The following NOL4 variants were observed in gnomAD, a reference collection of about 807,000 sequenced individuals.
NOL4 encodes the protein nucleolar protein 4, also known as cancer/testis antigen 125.
Under a neutral mutation model 75.9 loss-of-function variants are expected in NOL4, and 17 were observed. The observed-to-expected ratio is 0.22, with a 90% confidence interval of 0.15 to 0.34. The LOEUF (loss-of-function observed/expected upper bound fraction) is 0.34. Among genes scored for constraint, NOL4 ranks in the 10% least tolerant of loss-of-function variants. The pLI, the probability that NOL4 is intolerant of heterozygous loss-of-function variation, is 1.00. For missense variants in NOL4, 614 were observed against 793.5 expected (o/e 0.77, Z 2.72); for synonymous variants, 292 against 289.9 (o/e 1.01, Z -0.07).
intron 9 of NOL4, among the ~76,000 whole-genome samples, chr18:33,909,114 T>A (rs2066238195): frequency 6.6e-6 from 1 of 152,160 alleles, no homozygotes; most frequent in African/African-American, 2.4e-5. Context: ...TTCTCAAAAA[T>A]ATGCACATAT....
intron 5 of NOL4, among the ~76,000 whole-genome samples, chr18:34,024,236 G>A (rs1486988043): frequency 9.2e-6 from 1 of 109,286 alleles, no homozygotes; most frequent in East Asian, 2.1e-4. Context: ...TTTAACATTA[G>A]TACTTGGAAA....
At chr18:34,174,835 T>G (rs1389043067) in intron 1 of NOL4, among the ~76,000 whole-genome samples, 1 of 152,202 alleles carries the variant, frequency 6.6e-6, no homozygotes, top group Non-Finnish European at 1.5e-5. Context: ...GCTTCATCCA[T>G]GTCCATGCAA....
At chr18:34,202,878 A>G (rs1367552283) in intron 1 of NOL4, among the ~76,000 whole-genome samples, 1 of 152,014 alleles carries the variant, frequency 6.6e-6, no homozygotes, top group African/African-American at 2.4e-5. Flanking sequence ...ACTCTGGTAA[A>G]CAATTTAACA....
chr18:34,147,066 T>G (rs2081430888), intron 1 of NOL4, among the ~76,000 whole-genome samples: 1 of 152,160 alleles, frequency 6.6e-6, no homozygotes, highest in South Asian at 2.1e-4. Context: ...GCACATTGAT[T>G]TTGTATCCTG....
chr18:33,882,365 A>C (rs2064342839), intron 10 of NOL4, among the ~76,000 whole-genome samples: 1 of 152,154 alleles, frequency 6.6e-6, no homozygotes, highest in Non-Finnish European at 1.5e-5. Context: ...ACAAGAAAAA[A>C]ACAAACAACC....
intron 6 of NOL4, among the ~76,000 whole-genome samples, chr18:33,968,962 T>G: frequency 6.6e-6 from 1 of 152,216 alleles, no homozygotes; most frequent in Non-Finnish European, 1.5e-5. Context: ...AAAATGTCTT[T>G]TATTCTTGAC....
chr18:34,108,823 A>C (rs189559058), intron 2 of NOL4, among the ~76,000 whole-genome samples: 22 of 152,308 alleles, frequency 1.4e-4, no homozygotes, highest in African/African-American at 5.3e-4. Flanking sequence ...GCAGACTTGA[A>C]CAACACTAGA....
intron 5 of NOL4, among the ~76,000 whole-genome samples, chr18:34,074,210 T>C (rs971619398): frequency 7.9e-5 from 12 of 151,622 alleles, no homozygotes; most frequent in African/African-American, 2.9e-4. Flanking sequence ...TTTTTCAATA[T>C]TCATATTTTT....
intron 10 of NOL4, among the ~76,000 whole-genome samples, chr18:33,868,136 C>T (rs145686328): frequency 0.014 from 2,151 of 151,230 alleles, 51 homozygotes; most frequent in African/African-American, 0.049. Context: ...CTCTAGAGCT[C>T]GAGTGATCCT....
At chr18:34,113,005 G>A (rs11874351) in intron 2 of NOL4, among the ~76,000 whole-genome samples, 31 of 152,254 alleles carry the variant, frequency 2.0e-4, no homozygotes, top group African/African-American at 7.5e-4. Flanking sequence ...GGGTCACAGG[G>A]TCTCTTTCTA....
chr18:34,153,174 C>G (rs770636558), intron 1 of NOL4, among the ~76,000 whole-genome samples: 3 of 151,648 alleles, frequency 2.0e-5, no homozygotes, highest in East Asian at 3.9e-4. Context: ...CATTTCTTTT[C>G]GATACATCAC....
At position 33,851,590 on chromosome 18, in the gene NOL4, A is replaced by G. The variant is rs2062636545; in HGVS notation, c.*1252T>C. The G allele has an allele frequency of 1.3e-5, 2 of 152,466 alleles. No homozygotes were observed. Among genetic ancestry groups the G allele is most frequent in the Admixed American group, 1.3e-4 (2 of 15,244 alleles). 9.4% of individuals were successfully genotyped at this position (152,466 alleles called of 1,614,324 possible). A position where few individuals can be genotyped will look rare whatever the true frequency, so the allele number is the denominator to read the frequency against. On this transcript the variant is annotated 3_prime_UTR_variant, in exon 11 of 11. Coordinates refer to ENST00000261592, the MANE Select transcript of NOL4 (RefSeq NM_003787.5). ...GCTAAACAACAGAAAAAAGTTGTAT[A>G]AGAAGCATGAACTAAAGTACTTCTC...
At chr18:33,900,842 T>C (rs1205654189) in intron 9 of NOL4, among the ~76,000 whole-genome samples, 3 of 152,196 alleles carry the variant, frequency 2.0e-5, no homozygotes, top group Non-Finnish European at 4.4e-5. Context: ...GAGTTTGTGA[T>C]GCCATCTTAT....
chr18:34,166,042 C>T (rs2032293047), intron 1 of NOL4, among the ~76,000 whole-genome samples: 2 of 152,064 alleles, frequency 1.3e-5, no homozygotes, highest in East Asian at 1.9e-4. Context: ...TTCACCGATT[C>T]TTAAAAACAA....
intron 1 of NOL4, among the ~76,000 whole-genome samples, chr18:34,215,540 A>G (rs1175790568): frequency 6.6e-6 from 1 of 152,210 alleles, no homozygotes; most frequent in Non-Finnish European, 1.5e-5. Flanking sequence ...CAAGGCTGCC[A>G]TACAAATTTC....
chr18:34,058,290 C>G (rs534555445), intron 5 of NOL4, among the ~76,000 whole-genome samples: 5 of 152,108 alleles, frequency 3.3e-5, no homozygotes, highest in Non-Finnish European at 7.4e-5. Flanking sequence ...CCCGCCACCA[C>G]GCCCGGCTAA....
intron 5 of NOL4, among the ~76,000 whole-genome samples, chr18:34,032,648 G>T (rs1401681895): frequency 6.6e-6 from 1 of 152,028 alleles, no homozygotes; most frequent in African/African-American, 2.4e-5. Context: ...TAGTTGTCCT[G>T]TTACCTTCAC....
At chr18:33,937,045 C>T (rs67537013) in intron 9 of NOL4, among the ~76,000 whole-genome samples, 99 of 151,814 alleles carry the variant, frequency 6.5e-4, no homozygotes, top group Non-Finnish European at 9.4e-4. Context: ...ACTCTAAATG[C>T]GAAATCTGGC....
At chr18:34,206,948 CATG>C (rs1036275214) in intron 1 of NOL4, among the ~76,000 whole-genome samples, 2 of 151,750 alleles carry the variant, frequency 1.3e-5, no homozygotes, top group Non-Finnish European at 2.9e-5. Flanking sequence ...CTATTGAGTC[CATG>C]AATTTTAAAT....
Sources: allele counts gnomAD v4.1 joint callset (sites outside exome capture counted in the v4.1 genomes callset), GRCh38; gene constraint gnomAD v4.1.1; transcripts MANE v1.5; gene names NCBI Gene and HGNC (gene_info 2026-07-23, HGNC 2026-07-21).